Variants in GPC6 observed in about 807,000 individuals in gnomAD.
The protein encoded by GPC6 is glypican 6, also known as glypican-6.
GPC6 carries 14 observed loss-of-function variants against 55.2 expected under a neutral mutation model. The ratio of observed to expected loss-of-function variants is 0.25; its 90% CI spans 0.17 to 0.40. The LOEUF (loss-of-function observed/expected upper bound fraction) is 0.40. GPC6 is among the 10% of genes least tolerant of loss of function. GPC6 has a pLI of 1.00. For synonymous variants in GPC6, 278 were observed against 259.6 expected, an observed-to-expected ratio of 1.07 and a Z score of -0.68; for missense variants, 641 against 708.5, an observed-to-expected ratio of 0.90 and a Z score of 1.08.
chr13:93,555,640 T>G (rs1403862513), intron 2 of GPC6, among the ~76,000 whole-genome samples: 4 of 152,116 alleles, frequency 2.6e-5, no homozygotes, highest in Admixed American at 2.0e-4. Context: ...TTACTTAGAG[T>G]AAAGCAAGTA....
At chr13:94,332,747 TA>T (rs1877490823) in intron 6 of GPC6, among the ~76,000 whole-genome samples, 1 of 152,266 alleles carries the variant, frequency 6.6e-6, no homozygotes, top group Non-Finnish European at 1.5e-5. Flanking sequence ...TGGAATTTTT[TA>T]TAAACAAAAT....
At chr13:93,376,881 T>C (rs1342151308) in intron 1 of GPC6, among the ~76,000 whole-genome samples, 2 of 152,118 alleles carry the variant, frequency 1.3e-5, no homozygotes, top group African/African-American at 4.8e-5. Context: ...ACAGCTATTA[T>C]TTTCTGCTTC....
chr13:94,102,437 C>T (rs957007572), intron 4 of GPC6, among the ~76,000 whole-genome samples: 1 of 152,002 alleles, frequency 6.6e-6, no homozygotes, highest in Non-Finnish European at 1.5e-5. Flanking sequence ...CCCACTCTTC[C>T]AATGCAAACT....
intron 3 of GPC6, among the ~76,000 whole-genome samples, chr13:93,849,667 T>A (rs1888326835): frequency 6.6e-6 from 1 of 152,114 alleles, no homozygotes; most frequent in African/African-American, 2.4e-5. Context: ...TCCCTCAGAT[T>A]TTCCCTTCTT....
intron 4 of GPC6, among the ~76,000 whole-genome samples, chr13:94,284,670 T>C (rs1053833138): frequency 5.3e-5 from 8 of 152,130 alleles, no homozygotes; most frequent in Admixed American, 2.0e-4. Flanking sequence ...TTTATCTAGA[T>C]GTTTCACACA....
In GPC6 at chr13:93,654,493, A is replaced by G. The variant is rs1436871766; in HGVS notation, c.319+109072A>G. Among the ~76,000 whole-genome samples the G allele has an allele frequency of 2.0e-5, 3 of 152,050 alleles. No homozygotes were observed. In the South Asian group the frequency reaches 6.2e-4, roughly 32 times the overall value. On this transcript the variant is annotated intron_variant, in intron 2 of 8. Transcript: ENST00000377047. ...CAGGTGCTTGCCACCACACCCAGCT[A>G]ATTTTTGTATTTTTAGTAGAGATGG...
intron 4 of GPC6, among the ~76,000 whole-genome samples, chr13:94,067,525 A>G (rs958189649): frequency 4.6e-5 from 7 of 151,678 alleles, no homozygotes; most frequent in Non-Finnish European, 7.4e-5. Context: ...TAGAGATGCA[A>G]TATGGGGTGT....
At chr13:93,793,016 A>G (rs1336856873) in intron 2 of GPC6, among the ~76,000 whole-genome samples, 2 of 152,180 alleles carry the variant, frequency 1.3e-5, no homozygotes, top group Non-Finnish European at 2.9e-5. Flanking sequence ...TGATTTGGCA[A>G]GACTGTTGCA....
intron 1 of GPC6, among the ~76,000 whole-genome samples, chr13:93,256,623 C>T (rs972535941): frequency 6.6e-6 from 1 of 152,098 alleles, no homozygotes; most frequent in African/African-American, 2.4e-5. Context: ...CCTAGGCTTT[C>T]ATTTGATTCC....
At chr13:94,237,519 C>T (rs534529595) in intron 4 of GPC6, among the ~76,000 whole-genome samples, 147 of 152,188 alleles carry the variant, frequency 9.7e-4, no homozygotes, top group Non-Finnish European at 1.6e-3. Context: ...GGATAGGTAG[C>T]AAGGAGCTTT....
At chr13:93,750,378 C>T (rs1884535560) in intron 2 of GPC6, among the ~76,000 whole-genome samples, 1 of 152,120 alleles carries the variant, frequency 6.6e-6, no homozygotes, top group East Asian at 1.9e-4. Flanking sequence ...AATATTGGAT[C>T]TGCTATTAAA....
intron 3 of GPC6, among the ~76,000 whole-genome samples, chr13:93,989,724 C>T (rs1173572325): frequency 2.6e-5 from 4 of 151,926 alleles, no homozygotes; most frequent in Non-Finnish European, 4.4e-5. Flanking sequence ...GAAGACTGGT[C>T]GTTCTTTAGG....
At chr13:93,833,227 G>A (rs1887598172) in intron 3 of GPC6, among the ~76,000 whole-genome samples, 1 of 151,014 alleles carries the variant, frequency 6.6e-6, no homozygotes, top group Non-Finnish European at 1.5e-5. Flanking sequence ...TTTGTCTCAG[G>A]AATTTAAGTA....
At chr13:93,986,187 T>G (rs866007372) in intron 3 of GPC6, among the ~76,000 whole-genome samples, 6 of 152,312 alleles carry the variant, frequency 3.9e-5, no homozygotes, top group African/African-American at 7.2e-5. Flanking sequence ...TAGAATTTTA[T>G]CAGAATTTAA....
intron 1 of GPC6, among the ~76,000 whole-genome samples, chr13:93,451,557 T>C (rs1328563191): frequency 6.6e-6 from 1 of 152,228 alleles, no homozygotes; most frequent in Non-Finnish European, 1.5e-5. Context: ...AACACCATCA[T>C]GCCCGTTCAT....
chr13:94,388,756 C>G (rs963632094), intron 7 of GPC6, among the ~76,000 whole-genome samples: 1 of 152,148 alleles, frequency 6.6e-6, no homozygotes, highest in Non-Finnish European at 1.5e-5. Context: ...GACAGAGAGT[C>G]CTGGTTCCTT....
intron 1 of GPC6, among the ~76,000 whole-genome samples, chr13:93,415,351 T>G (rs1394129140): frequency 1.3e-5 from 2 of 152,160 alleles, no homozygotes; most frequent in African/African-American, 4.8e-5. Context: ...TTCTTCCTTC[T>G]TAATGGTATA....
chr13:93,573,164 T>A (rs1876488698), intron 2 of GPC6, among the ~76,000 whole-genome samples: 1 of 152,066 alleles, frequency 6.6e-6, no homozygotes. Flanking sequence ...GATCCCTGCT[T>A]GGATAGGTTA....
At chr13:93,458,877 A>C (rs1394545523) in intron 1 of GPC6, among the ~76,000 whole-genome samples, 1 of 152,148 alleles carries the variant, frequency 6.6e-6, no homozygotes, top group African/African-American at 2.4e-5. Flanking sequence ...ATGATTTGAA[A>C]CTTGTCCTTA....
Sources: gnomAD v4.1 joint callset for allele counts (sites outside exome capture counted in the v4.1 genomes callset) on GRCh38, gnomAD v4.1.1 for gene constraint, MANE v1.5 for transcripts, NCBI Gene and HGNC (gene_info 2026-07-23, HGNC 2026-07-21) for gene names.